Variants in IL1RAPL2 observed in about 807,000 individuals in gnomAD.
IL1RAPL2 encodes interleukin 1 receptor accessory protein like 2.
Under a neutral mutation model 44.1 loss-of-function variants are expected in IL1RAPL2, and 3 were observed. The ratio of observed to expected loss-of-function variants is 0.07; its 90% CI spans 0.03 to 0.18. The LOEUF (loss-of-function observed/expected upper bound fraction) is 0.18, where lower values mean the gene tolerates loss of function less well. IL1RAPL2 is among the 10% of genes least tolerant of loss of function. IL1RAPL2 has a pLI of 1.00. For synonymous variants in IL1RAPL2, 181 were observed against 178.8 expected (o/e 1.01, Z -0.10); for missense variants, 391 against 496.4 (o/e 0.79, Z 2.02).
chrX:104,732,683 G>T (rs1047888824), intron 2 of IL1RAPL2, among the ~76,000 whole-genome samples: 1 of 111,578 alleles, frequency 9.0e-6, no homozygotes, highest in African/African-American at 3.3e-5. Flanking sequence ...TCACAAATTA[G>T]TTTATCAAAT....
chrX:105,356,254 T>C (rs1440872035), intron 5 of IL1RAPL2, among the ~76,000 whole-genome samples: 1 of 110,420 alleles, frequency 9.1e-6, no homozygotes, highest in African/African-American at 3.3e-5. Context: ...AGATTTACAT[T>C]GAAATATTTC....
At chrX:105,075,215 C>T (rs1316012015) in intron 2 of IL1RAPL2, among the ~76,000 whole-genome samples, 1 of 111,541 alleles carries the variant, frequency 9.0e-6, no homozygotes, top group Admixed American at 9.5e-5. Context: ...AGATATGTTC[C>T]ATCAATACCT....
intron 6 of IL1RAPL2, among the ~76,000 whole-genome samples, chrX:105,525,061 C>T (rs2036587028): frequency 9.0e-6 from 1 of 111,091 alleles, no homozygotes; most frequent in South Asian, 3.7e-4. Flanking sequence ...AGTTTGGGTT[C>T]ACATTGTGAC....
intron 2 of IL1RAPL2, among the ~76,000 whole-genome samples, chrX:104,809,145 G>A (rs1240767982): frequency 9.0e-6 from 1 of 111,669 alleles, no homozygotes; most frequent in African/African-American, 3.3e-5. Context: ...GTTATGTTTG[G>A]CCAGTAGGGT....
chrX:105,025,511 A>C (rs1158423602), intron 2 of IL1RAPL2, among the ~76,000 whole-genome samples: 2 of 111,226 alleles, frequency 1.8e-5, no homozygotes, highest in Non-Finnish European at 3.8e-5. Context: ...AAATTGTTAC[A>C]CATTTTTTAT....
intron 2 of IL1RAPL2, among the ~76,000 whole-genome samples, chrX:105,093,367 C>T (rs1019473564): frequency 8.9e-6 from 1 of 111,803 alleles, no homozygotes; most frequent in Non-Finnish European, 1.9e-5. Context: ...AAATTAACAT[C>T]ATTTGATGAG....
chrX:104,909,906 G>C (rs895659401), intron 2 of IL1RAPL2, among the ~76,000 whole-genome samples: 5 of 112,447 alleles, frequency 4.4e-5, no homozygotes, highest in African/African-American at 1.6e-4. Flanking sequence ...TGGCTGCTTT[G>C]TTTACCTAAG....
chrX:105,710,726 G>T (rs1041018675), intron 6 of IL1RAPL2, among the ~76,000 whole-genome samples: 1 of 109,506 alleles, frequency 9.1e-6, no homozygotes, highest in Non-Finnish European at 1.9e-5. Flanking sequence ...CCTCAGAAAA[G>T]TCAGTTAATT....
intron 6 of IL1RAPL2, among the ~76,000 whole-genome samples, chrX:105,629,568 T>C (rs925662315): frequency 5.4e-5 from 6 of 111,640 alleles, no homozygotes; most frequent in African/African-American, 2.0e-4. Flanking sequence ...TTTGAGTTGA[T>C]GAACTTGCTT....
intron 2 of IL1RAPL2, among the ~76,000 whole-genome samples, chrX:104,767,265 A>C (rs774085149): frequency 1.8e-5 from 2 of 111,901 alleles, no homozygotes; most frequent in East Asian, 5.7e-4. Flanking sequence ...TGCCCCTGGA[A>C]GTTGATTCAT....
intron 2 of IL1RAPL2, among the ~76,000 whole-genome samples, chrX:105,041,691 A>G (rs1174281685): frequency 9.2e-6 from 1 of 108,916 alleles, no homozygotes; most frequent in Non-Finnish European, 1.9e-5. Context: ...CCATCAAGCT[A>G]CCAATGACTT....
chrX:104,791,561 A>G (rs770723718), intron 2 of IL1RAPL2, among the ~76,000 whole-genome samples: 1 of 111,795 alleles, frequency 8.9e-6, no homozygotes, highest in African/African-American at 3.2e-5. Flanking sequence ...TCTGATTTCT[A>G]CTCAGAATCA....
chrX:105,063,443 T>C (rs1019228261), intron 2 of IL1RAPL2, among the ~76,000 whole-genome samples: 2 of 112,003 alleles, frequency 1.8e-5, no homozygotes, highest in African/African-American at 6.5e-5. Flanking sequence ...TGTGAGGTCA[T>C]ATTTTCCTGG....
chrX:104,829,216 A>G (rs1033699795), intron 2 of IL1RAPL2, among the ~76,000 whole-genome samples: 2 of 111,741 alleles, frequency 1.8e-5, no homozygotes, highest in African/African-American at 6.5e-5. Context: ...GTCTGCCCAA[A>G]TGGCTGCCCA....
intron 2 of IL1RAPL2, among the ~76,000 whole-genome samples, chrX:104,871,617 T>C (rs1453855790): frequency 1.8e-5 from 2 of 111,363 alleles, no homozygotes; most frequent in Admixed American, 1.9e-4. Flanking sequence ...CTTGTAGTAA[T>C]GTAATGTACC....
chrX:104,632,614 G>A (rs1929677558), intron 1 of IL1RAPL2, among the ~76,000 whole-genome samples: 1 of 107,162 alleles, frequency 9.3e-6, no homozygotes, highest in South Asian at 4.3e-4. Flanking sequence ...ATTGTGAATG[G>A]GAGTTCACTC....
intron 3 of IL1RAPL2, among the ~76,000 whole-genome samples, chrX:105,206,737 G>A (rs2033767396): frequency 8.9e-6 from 1 of 111,961 alleles, no homozygotes; most frequent in Non-Finnish European, 1.9e-5. Context: ...CAGAGAACTA[G>A]TCTTCTTGTT....
At chrX:105,023,929 C>T (rs1441692003) in intron 2 of IL1RAPL2, among the ~76,000 whole-genome samples, 1 of 110,611 alleles carries the variant, frequency 9.0e-6, no homozygotes, top group African/African-American at 3.3e-5. Flanking sequence ...TTCTCAGAGC[C>T]TAAAAGTGAT....
intron 6 of IL1RAPL2, among the ~76,000 whole-genome samples, chrX:105,621,097 C>T (rs2037416107): frequency 9.0e-6 from 1 of 111,460 alleles, no homozygotes; most frequent in African/African-American, 3.3e-5. Flanking sequence ...ATAACATCAA[C>T]ATATAAGTAT....
Sources: gnomAD v4.1 joint callset for allele counts (sites outside exome capture counted in the v4.1 genomes callset) on GRCh38, gnomAD v4.1.1 for gene constraint, MANE v1.5 for transcripts, NCBI Gene and HGNC (gene_info 2026-07-23, HGNC 2026-07-21) for gene names.